NOS2: variants seen among roughly 807,000 people sequenced by gnomAD.
NOS2 encodes the protein nitric oxide synthase, inducible.
In NOS2, 96 loss-of-function variants were observed where a neutral mutation model predicts 136.0. That is an observed-to-expected ratio of 0.71 (90% CI 0.60 to 0.84). The LOEUF is 0.84. Ranked by LOEUF, NOS2 falls within the 40% of genes least tolerant of loss-of-function variation. The pLI is 0.00. For synonymous variants in NOS2, 539 were observed against 587.5 expected, an observed-to-expected ratio of 0.92 and a Z score of 1.20; for missense variants, 1,237 against 1,496.9, an observed-to-expected ratio of 0.83 and a Z score of 2.87.
chr17:27,789,414 G>A (rs1414274727), intron 3 of NOS2, among the ~76,000 whole-genome samples, 190 bp downstream of exon 3: 2 of 152,176 alleles, frequency 1.3e-5, no homozygotes, highest in Non-Finnish European at 2.9e-5. Flanking sequence ...ACCACTGGGG[G>A]TTGTCTCACT....
At chr17:27,798,262 T>G (rs888323637) in intron 2 of NOS2, among the ~76,000 whole-genome samples, 2 of 152,188 alleles carry the variant, frequency 1.3e-5, no homozygotes, top group Non-Finnish European at 2.9e-5. Flanking sequence ...GCACAGGGCT[T>G]GGAACTAGTT....
At position 27,760,704 on chromosome 17, in the gene NOS2, A is replaced by C; in HGVS notation, c.2929T>G (p.Cys977Gly). Residue 977 changes from cysteine (C) to glycine (G), a missense_variant, in exon 24 of 27, where the codon TGC becomes GGC. Physicochemically the swap from Cys to Gly is radical, Grantham distance 159. Coordinates refer to ENST00000313735, the MANE Select transcript of NOS2 (RefSeq NM_000625.4). ...FHLPEDPSHP[C>G]ILIGPGTGIA... is the part of the protein sequence containing the mutation. ...CCTGTGCCAGGCCCGATGAGGATGC[A>C]AGGATGGGAGGGATCCTCGGGGAGG... The C allele has an allele frequency of 1.3e-6, 2 of 1,550,098 alleles. No individual in the cohort carries two copies. Among genetic ancestry groups the C allele is most frequent in the East Asian group, 2.4e-5 (1 of 40,938 alleles).
chr17:27,775,680 C>G (rs1908637624), intron 11 of NOS2, among the ~76,000 whole-genome samples: 1 of 151,616 alleles, frequency 6.6e-6, no homozygotes, highest in South Asian at 2.1e-4. Context: ...ATGTGGGAGG[C>G]TGATGTGGTA....
intron 5 of NOS2, among the ~76,000 whole-genome samples, chr17:27,787,035 T>G (rs1243568238): frequency 3.9e-5 from 6 of 152,108 alleles, no homozygotes; most frequent in Non-Finnish European, 7.4e-5. Flanking sequence ...CCTCACTGGG[T>G]AGAAAAAAGA....
chr17:27,760,092 C>A lies in NOS2; in HGVS notation c.3097G>T (p.Ala1033Ser). Reference sequence around the variant, plus strand: ...ACCGCATGCAGCACCCCCTTCTGGGCCATCTCCAGCATCTCCTCCTGGTAG... The same window carrying A: ...ACCGCATGCAGCACCCCCTTCTGGGACATCTCCAGCATCTCCTCCTGGTAG... ...HIYQEEMLEM[A>S]QKGVLHAVHT... The change falls in exon 25 of 27, where the codon GCC becomes TCC. Residue 1033 changes from alanine to serine, a missense_variant. Coordinates refer to ENST00000313735, the MANE Select transcript of NOS2 (RefSeq NM_000625.4). 2 of 1,606,062 alleles carry A rather than the reference C, an allele frequency of 1.2e-6. No homozygotes were observed. The highest frequency in any genetic ancestry group is 1.7e-6 in the Non-Finnish European group (2 of 1,176,508).
rs1907946491 is a variant in NOS2 at position 27,757,012 on chromosome 17, CT to C, written c.*233del. 1 of 447,702 alleles carries C rather than the reference CT, an allele frequency of 2.2e-6. No homozygotes were observed. Among genetic ancestry groups the C allele is most frequent in the Non-Finnish European group, 3.9e-6 (1 of 256,476 alleles). The allele number at this position is 447,702 out of a possible 1,614,324, so 27.7% of individuals were successfully genotyped here. A position where few individuals can be genotyped will look rare whatever the true frequency, so the allele number is the denominator to read the frequency against. ...CCAGGCCTGGCATTTAAGATTTTGT[CT>C]CCAAGGGACCAGGGAGGCCCCAGTT... On this transcript the variant is annotated 3_prime_UTR_variant, in exon 27 of 27. Coordinates refer to ENST00000313735, the MANE Select transcript of NOS2 (RefSeq NM_000625.4).
At chr17:27,780,599 T>C (rs1908810403) in intron 9 of NOS2, among the ~76,000 whole-genome samples, 168 bp downstream of exon 9, 1 of 152,208 alleles carries the variant, frequency 6.6e-6, no homozygotes. Context: ...GCAGAATGGC[T>C]GCAGAATGCA....
chr17:27,760,817 AGCTG>A (rs1189498274), intron 23 of NOS2, 73 bp from the exon 24 acceptor site: 1 of 1,496,018 alleles, frequency 6.7e-7, no homozygotes, highest in African/African-American at 1.4e-5. Context: ...ATGGCTGGGG[AGCTG>A]GGCCTGTGGG....
chr17:27,797,632 G>T (rs111773203), intron 2 of NOS2, among the ~76,000 whole-genome samples: 70 of 152,336 alleles, frequency 4.6e-4, no homozygotes, highest in African/African-American at 1.7e-3. Context: ...GGCTCCTCTG[G>T]GGCGGTGGGG....
At chr17:27,770,793 A>T in intron 15 of NOS2, 120 bp downstream of exon 15, 1 of 658,384 alleles carries the variant, frequency 1.5e-6, no homozygotes, top group Non-Finnish European at 2.7e-6. Context: ...AGTGACCCGG[A>T]GTGGCCTGAG....
intron 15 of NOS2, 134 bp downstream of exon 15, chr17:27,770,779 C>A: frequency 1.7e-6 from 1 of 597,880 alleles, no homozygotes; most frequent in South Asian, 2.2e-5. Context: ...CGGCAAATGA[C>A]CTGAGTGACC....
chr17:27,770,497 TA>T lies in NOS2; in HGVS notation c.1809+415del, dbSNP rs528873354. On this transcript the variant is annotated intron_variant, in intron 15 of 26. Coordinates refer to ENST00000313735, the MANE Select transcript of NOS2 (RefSeq NM_000625.4). ...GCAAAACTCCACCTAAGTAAATAAA[TA>T]AATAAATAAACAAACAAACACCAAA... 6.6e-5 allele frequency among the ~76,000 whole-genome samples: 10 copies of T among 152,038 alleles called. No homozygotes were observed. The South Asian group carries it at 2.1e-3, about 32-fold the overall frequency.
chr17:27,760,824 C>G, intron 23 of NOS2, 80 bp from the exon 24 acceptor site: 1 of 1,485,668 alleles, frequency 6.7e-7, no homozygotes, highest in Non-Finnish European at 9.0e-7. Context: ...GGGAGCTGGG[C>G]CTGTGGGAGG....
At chr17:27,791,450 C>T (rs1019415620) in intron 2 of NOS2, among the ~76,000 whole-genome samples, 3 of 152,180 alleles carry the variant, frequency 2.0e-5, no homozygotes, top group East Asian at 1.9e-4. Context: ...CTCCCCCAGG[C>T]GATGTCTGAT....
At chr17:27,788,025 C>G (rs954462201) in intron 4 of NOS2, among the ~76,000 whole-genome samples, 199 bp from the exon 5 acceptor site, 8 of 152,128 alleles carry the variant, frequency 5.3e-5, no homozygotes, top group African/African-American at 1.9e-4. Flanking sequence ...CTGGCTGAAC[C>G]CCAGTGGGTG....
Position 27,788,821 on chromosome 17 carries a change from A to G in NOS2, c.306T>C (p.His102=). The G allele has an allele frequency of 6.2e-7, 1 of 1,613,912 alleles. No individual in the cohort carries two copies. The highest frequency in any genetic ancestry group is 8.5e-7 in the Non-Finnish European group (1 of 1,179,914). The part of the protein sequence containing the change: ...SGMTFQDTLH[H]KAKGILTCRS... ...GCCCCAGACTTACCCCTTTGGCCTT[A>G]TGGTGAAGTGTGTCTTGGAAAGTCA... The change falls in exon 4 of 27, where the codon CAT becomes CAC. Residue 102 remains histidine, a synonymous_variant. Coordinates refer to ENST00000313735, the MANE Select transcript of NOS2 (RefSeq NM_000625.4).
In NOS2 at chr17:27,787,713, G is replaced by A. The variant is rs776919338; in HGVS notation, c.432C>T (p.Ile144=). 2.4e-5 allele frequency: 38 copies of A among 1,613,584 alleles called. No homozygotes were observed. Among genetic ancestry groups the A allele is most frequent in the Middle Eastern group, 1.7e-4 (1 of 6,036 alleles). ...TPPDELLPQA[I]EFVNQYYGSF... is the part of the protein sequence containing the mutation. The stretch of plus-strand genomic sequence containing the variant: ...AGCCGTAATATTGGTTGACAAATTC[G>A]ATAGCTTGAGGTAGAAGCTCATCTG... Residue 144 remains isoleucine, a synonymous_variant, in exon 5 of 27, where the codon ATC becomes ATT. Transcript: ENST00000313735.
Position 27,759,092 on chromosome 17 carries a change from C to G in NOS2, c.3160-17G>C, listed in dbSNP as rs767504071. 36 of 1,556,520 alleles carry G rather than the reference C, an allele frequency of 2.3e-5. No homozygotes were observed. The highest frequency in any genetic ancestry group is 2.1e-4 in the Middle Eastern group (1 of 4,844). ...AACATAGACCTGAAACCAGAGGAAA[C>G]AGTGGGTTCAGTCCTCAGCTGCTCA... is the stretch of plus-strand genomic sequence containing the variant. On this transcript the variant is annotated splice_polypyrimidine_tract_variant and intron_variant, in intron 25 of 26. Transcript: ENST00000313735.
Position 27,757,115 on chromosome 17 carries a change from T to C in NOS2, c.*131A>G, listed in dbSNP as rs1459908189. On this transcript the variant is annotated 3_prime_UTR_variant, in exon 27 of 27. Transcript: ENST00000313735. The stretch of plus-strand genomic sequence containing the variant: ...TAAAGGGCTTGATGGGGAGCAACGT[T>C]GAGGAAATAAGACTTGAGGCTGGGG... The C allele has an allele frequency of 3.0e-6, 2 of 672,508 alleles. No homozygotes were observed. The highest frequency in any genetic ancestry group is 3.7e-5 in the African/African-American group (2 of 54,726). The allele number at this position is 672,508 out of a possible 1,614,324, so 41.7% of individuals were successfully genotyped here. A position where few individuals can be genotyped will look rare whatever the true frequency, so the allele number is the denominator to read the frequency against.
Sources: allele counts gnomAD v4.1 joint callset (sites outside exome capture counted in the v4.1 genomes callset), GRCh38; gene constraint gnomAD v4.1.1; transcripts MANE v1.5; gene names NCBI Gene and HGNC (gene_info 2026-07-23, HGNC 2026-07-21).